SNX16: variants seen among roughly 807,000 people sequenced by gnomAD.
SNX16 encodes the protein sorting nexin-16.
SNX16 carries 35 observed loss-of-function variants against 36.7 expected under a neutral mutation model. The ratio of observed to expected loss-of-function variants is 0.95; its 90% CI spans 0.73 to 1.27. The LOEUF (loss-of-function observed/expected upper bound fraction) is 1.27, where lower values mean the gene tolerates loss of function less well. SNX16 is among the 50% of genes most tolerant of loss of function. The pLI, the probability that SNX16 is intolerant of heterozygous loss-of-function variation, is 0.00. For synonymous variants in SNX16, 134 were observed against 132.0 expected (o/e 1.02, Z -0.10); for missense variants, 367 against 393.6 (o/e 0.93, Z 0.57).
Position 81,815,406 on chromosome 8 carries a change from A to T in SNX16, c.612-12T>A. On this transcript the variant is annotated splice_polypyrimidine_tract_variant and intron_variant, in intron 4 of 7. Coordinates refer to ENST00000345957, the MANE Select transcript of SNX16 (RefSeq NM_152836.3). ...CTCTCACTGCAAGGCTTTTCAAAGGAAAAAAAAAATGATCTGAAGTACAAA... is the reference window on the plus strand; with the variant it reads ...CTCTCACTGCAAGGCTTTTCAAAGGTAAAAAAAAATGATCTGAAGTACAAA... 4.0e-6 allele frequency: 5 copies of T among 1,237,234 alleles called. No homozygotes were observed. Among genetic ancestry groups the T allele is most frequent in the Non-Finnish European group, 5.4e-6 (5 of 929,630 alleles). The allele number at this position is 1,237,234 out of a possible 1,614,324, so 76.6% of individuals were successfully genotyped here.
At chr8:81,805,383 AAAC>A (rs1219467880) in intron 5 of SNX16, among the ~76,000 whole-genome samples, 1 of 152,168 alleles carries the variant, frequency 6.6e-6, no homozygotes, top group African/African-American at 2.4e-5. Flanking sequence ...ATAATACTAG[AAAC>A]AACTGAGAAA....
chr8:81,807,926 G>GGTGC (rs1189983354), intron 5 of SNX16: 2 of 771,360 alleles, frequency 2.6e-6, no homozygotes, highest in African/African-American at 3.4e-5. Flanking sequence ...CCAAACACCA[G>GGTGC]GTGCTCCAGG....
At chr8:81,830,101 T>A (rs1312699931) in intron 2 of SNX16, among the ~76,000 whole-genome samples, 1 of 152,144 alleles carries the variant, frequency 6.6e-6, no homozygotes, top group Non-Finnish European at 1.5e-5. Flanking sequence ...TTTCAGGATA[T>A]AAAATCAATG....
intron 4 of SNX16, among the ~76,000 whole-genome samples, chr8:81,822,800 A>G (rs1810808270): frequency 6.6e-6 from 1 of 151,866 alleles, no homozygotes; most frequent in African/African-American, 2.4e-5. Flanking sequence ...AACTGCATAT[A>G]TCAATCTGGA....
chr8:81,827,594 A>T (rs1252601955), intron 3 of SNX16, among the ~76,000 whole-genome samples: 1 of 152,192 alleles, frequency 6.6e-6, no homozygotes, highest in Non-Finnish European at 1.5e-5. Context: ...ATAACACTTT[A>T]TTTTGGCATA....
At chr8:81,801,798 A>G (rs1301795986) in intron 7 of SNX16, among the ~76,000 whole-genome samples, 1 of 151,644 alleles carries the variant, frequency 6.6e-6, no homozygotes, top group African/African-American at 2.4e-5. Flanking sequence ...ACCTTTGGAG[A>G]TAGGTTTTTA....
intron 5 of SNX16, among the ~76,000 whole-genome samples, chr8:81,805,904 G>T (rs139636949): frequency 6.6e-6 from 1 of 151,808 alleles, no homozygotes; most frequent in East Asian, 1.9e-4. Context: ...CTGGGCCACA[G>T]AGCAAGACTC....
intron 2 of SNX16, among the ~76,000 whole-genome samples, chr8:81,836,149 T>C (rs906337423): frequency 6.6e-6 from 1 of 152,164 alleles, no homozygotes; most frequent in African/African-American, 2.4e-5. Flanking sequence ...CATAGCATGC[T>C]TCCTTCCCAA....
chr8:81,815,430 A>T (rs757839504), intron 4 of SNX16, 36 bp from the exon 5 acceptor site: 2 of 1,590,660 alleles, frequency 1.3e-6, no homozygotes, highest in Non-Finnish European at 1.7e-6. Flanking sequence ...CTGAAGTACA[A>T]ATAAGTTTGC....
At chr8:81,803,963 A>AATAT (rs60767517) in intron 5 of SNX16, among the ~76,000 whole-genome samples, 16 of 151,408 alleles carry the variant, frequency 1.1e-4, no homozygotes, top group East Asian at 9.7e-4. Flanking sequence ...AATAAAAACA[A>AATAT]ATATATATAT....
intron 2 of SNX16, among the ~76,000 whole-genome samples, chr8:81,834,521 G>T (rs1212877564): frequency 6.6e-6 from 1 of 152,154 alleles, no homozygotes; most frequent in Non-Finnish European, 1.5e-5. Context: ...TTCCGTCTAT[G>T]AGCCTATAAA....
chr8:81,830,646 T>A (rs1281811257), intron 2 of SNX16, among the ~76,000 whole-genome samples: 1 of 148,598 alleles, frequency 6.7e-6, no homozygotes, highest in Non-Finnish European at 1.5e-5. Flanking sequence ...CATTCCATGC[T>A]CATGGATTGG....
rs1353688506 is a variant in SNX16 at position 81,821,111 on chromosome 8, G to A, written c.611+2681C>T. Reference sequence around the variant, plus strand: ...AAGGCAGGTAGGCAAACAAACGCAAGGCATACTAGATTCTTTCATGCAAGA... The same window carrying A: ...AAGGCAGGTAGGCAAACAAACGCAAAGCATACTAGATTCTTTCATGCAAGA... On this transcript the variant is annotated intron_variant, in intron 4 of 7. Coordinates refer to ENST00000345957, the MANE Select transcript of SNX16 (RefSeq NM_152836.3). Among the ~76,000 whole-genome samples the A allele has an allele frequency of 1.1e-4, 16 of 145,466 alleles. No individual in the cohort carries two copies. The Admixed American group carries it at 1.1e-3, about 10-fold the overall frequency.
At chr8:81,817,133 T>C (rs771081810) in intron 4 of SNX16, among the ~76,000 whole-genome samples, 1 of 152,198 alleles carries the variant, frequency 6.6e-6, no homozygotes, top group African/African-American at 2.4e-5. Flanking sequence ...CACTTAAGAC[T>C]GAAAGCAAAC....
At position 81,801,577 on chromosome 8, in the gene SNX16, A is replaced by C. The variant is rs761448961; in HGVS notation, c.955T>G (p.Cys319Gly). Reference sequence around the variant, plus strand: ...TTTTCAGGTTCACTAAAACTTAAGCATGGTTTATTATCAGCTCTGCAAAAA... The same window carrying C: ...TTTTCAGGTTCACTAAAACTTAAGCCTGGTTTATTATCAGCTCTGCAAAAA... ...DEESRADNKPCLSFSEPENAV... is the reference protein window; with the variant it reads ...DEESRADNKPGLSFSEPENAV... Residue 319 changes from cysteine to glycine, a missense_variant, in exon 8 of 8, where the codon TGC (cysteine) becomes GGC (glycine). Physicochemically the swap from Cys to Gly is radical, Grantham distance 159 (BLOSUM62 -3). Transcript: ENST00000345957. The C allele has an allele frequency of 5.9e-6, 9 of 1,533,222 alleles. No individual in the cohort carries two copies. Among genetic ancestry groups the C allele is most frequent in the Non-Finnish European group, 7.9e-6 (9 of 1,132,534 alleles). 95.0% of individuals were successfully genotyped at this position (1,533,222 alleles called of 1,614,324 possible). A position where few individuals can be genotyped will look rare whatever the true frequency, so the allele number is the denominator to read the frequency against.
chr8:81,823,998 A>C, intron 3 of SNX16, 58 bp from the exon 4 acceptor site: 1 of 1,451,510 alleles, frequency 6.9e-7, no homozygotes, highest in East Asian at 2.3e-5. Flanking sequence ...CAATTCTACA[A>C]AATCTATCCT....
rs999313414 is a variant in SNX16, at chr8:81,800,709, G to A, written c.*788C>T. On this transcript the variant is annotated 3_prime_UTR_variant, in exon 8 of 8. Transcript: ENST00000345957. ...CTATTTATTTAGAATCTATATTTTC[G>A]AAAGAATATGCCTTAACAAAAGGAG... is the stretch of plus-strand genomic sequence containing the variant. The A allele has an allele frequency of 1.3e-5, 2 of 151,744 alleles. No individual in the cohort carries two copies. The highest frequency in any genetic ancestry group is 3.0e-5 in the Non-Finnish European group (2 of 67,618). The allele number at this position is 151,744 out of a possible 1,614,324, so 9.4% of individuals were successfully genotyped here.
chr8:81,839,705 T>C lies in SNX16; in HGVS notation c.282A>G (p.Glu94=). ...AATTCACTGTTTCCGGATTTTGTTC[T>C]TCAGTGTCTCTTGGTCTAGTAGAAT... ...IEYSTRPRDT[E]EQNPETVNWE... is the part of the protein sequence containing the mutation. The change falls in exon 2 of 8, where the codon GAA becomes GAG. Residue 94 remains glutamate, a synonymous_variant. Coordinates refer to ENST00000345957, the MANE Select transcript of SNX16 (RefSeq NM_152836.3). 1 of 1,613,978 alleles carries C rather than the reference T, an allele frequency of 6.2e-7. No individual in the cohort carries two copies. Among genetic ancestry groups the C allele is most frequent in the Non-Finnish European group, 8.5e-7 (1 of 1,179,890 alleles).
intron 1 of SNX16, chr8:81,841,760 G>C (rs918066070): frequency 6.6e-6 from 1 of 152,336 alleles, no homozygotes; most frequent in Non-Finnish European, 1.5e-5. Context: ...CTCAGGTGAG[G>C]TGGCCCGACT....
Sources: gnomAD v4.1 joint callset for allele counts (sites outside exome capture counted in the v4.1 genomes callset) on GRCh38, gnomAD v4.1.1 for gene constraint, MANE v1.5 for transcripts, NCBI Gene and HGNC (gene_info 2026-07-23, HGNC 2026-07-21) for gene names.